Variants in HEATR6 observed in about 807,000 individuals in gnomAD.
HEATR6 encodes HEAT repeat containing 6, also known as HEAT repeat-containing protein 6.
In HEATR6, 106 loss-of-function variants were observed where a neutral mutation model predicts 132.8. The ratio of observed to expected loss-of-function variants is 0.80; its 90% CI spans 0.68 to 0.94. The LOEUF (loss-of-function observed/expected upper bound fraction) is 0.94. Ranked by LOEUF, HEATR6 falls within the 40% of genes least tolerant of loss-of-function variation. The pLI, the probability that HEATR6 is intolerant of heterozygous loss-of-function variation, is 0.00. For missense variants in HEATR6, 1,339 were observed against 1,425.1 expected, an observed-to-expected ratio of 0.94 and a Z score of 0.97; for synonymous variants, 529 against 537.8, an observed-to-expected ratio of 0.98 and a Z score of 0.23.
intron 2 of HEATR6, 118 bp downstream of exon 2, chr17:60,076,011 CT>C (rs1305339884): frequency 4.3e-5 from 24 of 564,380 alleles, no homozygotes; most frequent in Admixed American, 9.7e-5. Flanking sequence ...TAGGCATTTG[CT>C]TTTCCTATAG....
In HEATR6 at chr17:60,066,402, GAAA is replaced by G; in HGVS notation, c.1239-19_1239-17del. ...TTGGTAAGACCTTTCATAACCAAGAGAAAAAAGAAAAAACACTTAAAAAATCAT... is the reference window on the plus strand; with the variant it reads ...TTGGTAAGACCTTTCATAACCAAGAGAAAGAAAAAACACTTAAAAAATCAT... On this transcript the variant is annotated splice_polypyrimidine_tract_variant and intron_variant, in intron 8 of 19. Transcript: ENST00000184956. The G allele has an allele frequency of 1.3e-6, 2 of 1,507,522 alleles. No homozygotes were observed. The highest frequency in any genetic ancestry group is 1.8e-6 in the Non-Finnish European group (2 of 1,126,264). The allele number at this position is 1,507,522 out of a possible 1,614,324, so 93.4% of individuals were successfully genotyped here.
At chr17:60,049,126 T>A (rs924784511) in intron 16 of HEATR6, among the ~76,000 whole-genome samples, 3 of 145,582 alleles carry the variant, frequency 2.1e-5, no homozygotes. Context: ...ACAGAGAGTG[T>A]GTGTGTGTGT....
In HEATR6 at chr17:60,047,358, A is replaced by G. The variant is rs1906404294; in HGVS notation, c.2720T>C (p.Leu907Pro). Residue 907 changes from leucine to proline, a missense_variant, in exon 18 of 20, where the codon CTC (leucine) becomes CCC (proline). Physicochemically the swap from Leu to Pro is moderately conservative, Grantham distance 98. Transcript: ENST00000184956. ...SFQEEFSGLL[L>P]LKMLRSAIEA... is the part of the protein sequence containing the mutation. ...TATAGCTGATCGTAACATTTTCAAG[A>G]GCAGGAGACCAGAGAACTCTTCCTG... is the stretch of plus-strand genomic sequence containing the variant. 6.2e-7 allele frequency: 1 copy of G among 1,613,330 alleles called. No individual in the cohort carries two copies. Among genetic ancestry groups the G allele is most frequent in the Non-Finnish European group, 8.5e-7 (1 of 1,179,688 alleles).
chr17:60,073,809 T>C lies in HEATR6; in HGVS notation c.405A>G (p.Thr135=), dbSNP rs1353692367. 3.1e-6 allele frequency: 5 copies of C among 1,614,068 alleles called. No homozygotes were observed. Among genetic ancestry groups the C allele is most frequent in the Non-Finnish European group, 4.2e-6 (5 of 1,179,912 alleles). Residue 135 remains threonine, a synonymous_variant, in exon 3 of 20, where the codon ACA becomes ACG. Coordinates refer to ENST00000184956, the MANE Select transcript of HEATR6 (RefSeq NM_022070.5). ...ISAIHQCSSW[T]HREILQALAA... ...CCAGGGCTTGAAGAATTTCCCTGTG[T>C]GTCCAGGAACTACACTGATGAATAG...
chr17:60,076,141 T>A lies in HEATR6; in HGVS notation c.316A>T (p.Asn106Tyr). 1 of 1,589,582 alleles carries A rather than the reference T, an allele frequency of 6.3e-7. No homozygotes were observed. Among genetic ancestry groups the A allele is most frequent in the Non-Finnish European group, 8.6e-7 (1 of 1,158,988 alleles). ...KVSQLIHHLLNRLQVIVDEQH... is the reference protein window; with the variant it reads ...KVSQLIHHLLYRLQVIVDEQH... ...ACATACATGATTACCTGTAATCTGT[T>A]AAGTAAATGGTGGATAAGCTGGCTC... The change falls in exon 2 of 20, where the codon AAC (asparagine) becomes TAC (tyrosine). Residue 106 changes from asparagine to tyrosine, a missense_variant. Asn to Tyr is a moderately radical substitution (Grantham distance 143). Transcript: ENST00000184956.
chr17:60,047,478 C>T, intron 17 of HEATR6, 73 bp from the exon 18 acceptor site: 4 of 782,598 alleles, frequency 5.1e-6, no homozygotes, highest in Non-Finnish European at 8.2e-6. Flanking sequence ...GAAATATATT[C>T]AATTAGTATA....
Position 60,047,357 on chromosome 17 carries a change from G to C in HEATR6, c.2721C>G (p.Leu907=). Residue 907 remains leucine (L), a synonymous_variant, in exon 18 of 20, where the codon CTC becomes CTG. Transcript: ENST00000184956. ...CTATAGCTGATCGTAACATTTTCAA[G>C]AGCAGGAGACCAGAGAACTCTTCCT... ...SFQEEFSGLL[L]LKMLRSAIEA... 6.2e-6 allele frequency: 10 copies of C among 1,613,424 alleles called. No homozygotes were observed. The highest frequency in any genetic ancestry group is 8.5e-6 in the Non-Finnish European group (10 of 1,179,694).
chr17:60,047,447 A>G (rs1906407649), intron 17 of HEATR6, 42 bp from the exon 18 acceptor site: 2 of 1,154,832 alleles, frequency 1.7e-6, no homozygotes, highest in East Asian at 4.7e-5. Flanking sequence ...AAAGGTAAAT[A>G]CACTTAAATA....
intron 17 of HEATR6, 104 bp downstream of exon 17, chr17:60,048,160 A>G (rs1906436088): frequency 8.4e-7 from 1 of 1,197,002 alleles, no homozygotes; most frequent in Non-Finnish European, 1.2e-6. Flanking sequence ...TGACTGCATA[A>G]TATGCGGGAA....
intron 5 of HEATR6, among the ~76,000 whole-genome samples, chr17:60,071,952 C>T (rs1482180480): frequency 6.6e-6 from 1 of 152,132 alleles, no homozygotes; most frequent in African/African-American, 2.4e-5. Context: ...TAGTCACTAG[C>T]CTGCAACTAT....
intron 11 of HEATR6, among the ~76,000 whole-genome samples, chr17:60,058,423 C>T (rs949565883): frequency 6.6e-6 from 1 of 152,150 alleles, no homozygotes; most frequent in Non-Finnish European, 1.5e-5. Flanking sequence ...AACTTTGAGG[C>T]ATGGTGCACT....
At chr17:60,076,364 G>GAAGGAAA in intron 1 of HEATR6, 127 bp from the exon 2 acceptor site, 1 of 600,990 alleles carries the variant, frequency 1.7e-6, no homozygotes, top group South Asian at 2.0e-5. Flanking sequence ...TGTGAGGCAG[G>GAAGGAAA]AAGGAAAAAA....
At chr17:60,052,841 G>GGGCT (rs780130490) in intron 14 of HEATR6, among the ~76,000 whole-genome samples, 1 of 152,158 alleles carries the variant, frequency 6.6e-6, no homozygotes, top group Non-Finnish European at 1.5e-5. Context: ...AATCGTGGAG[G>GGGCT]GGCTGGTGAG....
chr17:60,072,228 A>G lies in HEATR6; in HGVS notation c.686T>C (p.Ile229Thr), dbSNP rs148866604. 68 of 1,575,778 alleles carry G rather than the reference A, an allele frequency of 4.3e-5. No homozygotes were observed. Among genetic ancestry groups the G allele is most frequent in the Non-Finnish European group, 5.1e-5 (59 of 1,149,110 alleles). ...QSPKSSDMDD[I>T]TFCMLLQNAL... ...TAGTCCACTTACCATGCAAAATGTGATATCATCCATATCAGATGATTTTGG... is the reference window on the plus strand; with the variant it reads ...TAGTCCACTTACCATGCAAAATGTGGTATCATCCATATCAGATGATTTTGG... Residue 229 changes from isoleucine (I) to threonine (T), a missense_variant, in exon 5 of 20, where the codon ATC (isoleucine) becomes ACC (threonine). By Grantham distance (89) the Ile-to-Thr change is moderately conservative. Transcript: ENST00000184956.
chr17:60,048,450 C>T (rs951936929), intron 16 of HEATR6, 62 bp from the exon 17 acceptor site: 17 of 1,480,964 alleles, frequency 1.1e-5, no homozygotes, highest in Middle Eastern at 3.5e-4. Context: ...CTTTGAAATT[C>T]TCACTTATTT....
chr17:60,046,259 T>G, intron 18 of HEATR6, 30 bp from the exon 19 acceptor site: 5 of 1,545,250 alleles, frequency 3.2e-6, no homozygotes, highest in Non-Finnish European at 3.5e-6. Context: ...TTTAGAAATC[T>G]GTTTGGCCAA....
rs761694856 is a variant in HEATR6 at position 60,049,715 on chromosome 17, G to T, written c.2425-13C>A. On this transcript the variant is annotated splice_polypyrimidine_tract_variant and intron_variant, in intron 15 of 19. Transcript: ENST00000184956. ...TCTGCCTGTCATTCTGCAATGAGAA[G>T]GTTGACAAGGGAAAAATGAGAATGA... 4 of 1,610,888 alleles carry T rather than the reference G, an allele frequency of 2.5e-6. No individual in the cohort carries two copies. The African/African-American group carries it at 5.3e-5, about 22-fold the overall frequency.
In HEATR6 at chr17:60,041,858, C is replaced by G. The variant is rs934384680; in HGVS notation, c.*1705G>C. 6.6e-6 allele frequency among the ~76,000 whole-genome samples: 1 copy of G among 152,116 alleles called. No individual in the cohort carries two copies. Among genetic ancestry groups the G allele is most frequent in the Non-Finnish European group, 1.5e-5 (1 of 68,022 alleles). ...CTAAATAACCATGATAAAATATCAC[C>G]AACACCCATTTTTTGTAACTTCTTA... On this transcript the variant is annotated 3_prime_UTR_variant, in exon 20 of 20. Transcript: ENST00000184956.
At position 60,050,843 on chromosome 17, in the gene HEATR6, C is replaced by T. The variant is rs568781540; in HGVS notation, c.2424G>A (p.Pro808=). 2.2e-5 allele frequency: 35 copies of T among 1,614,106 alleles called. 1 individual carries two copies. The highest frequency in any genetic ancestry group is 1.6e-4 in the South Asian group (15 of 91,070). Residue 808 remains proline (P), a splice_region_variant and synonymous_variant, in exon 15 of 20, where the codon CCG becomes CCA. Coordinates refer to ENST00000184956, the MANE Select transcript of HEATR6 (RefSeq NM_022070.5). ...SILPEAFSNL[P]NDRQMLCITV... is the part of the protein sequence containing the mutation. ...GGGTGAGAAAACACCCTCACATTAC[C>T]GGCAGATTGCTGAAGGCCTCTGGCA...
Sources: gnomAD v4.1 joint callset for allele counts (sites outside exome capture counted in the v4.1 genomes callset) on GRCh38, gnomAD v4.1.1 for gene constraint, MANE v1.5 for transcripts, NCBI Gene and HGNC (gene_info 2026-07-23, HGNC 2026-07-21) for gene names.